The following LNX1 variants were observed in gnomAD, a reference collection of about 807,000 sequenced individuals.
LNX1 encodes the protein E3 ubiquitin-protein ligase LNX.
LNX1 carries 54 observed loss-of-function variants against 68.4 expected under a neutral mutation model. The observed-to-expected ratio is 0.79, with a 90% CI of 0.63 to 0.99. The LOEUF (loss-of-function observed/expected upper bound fraction) is 0.99. Ranked by LOEUF, LNX1 falls within the 50% of genes least tolerant of loss-of-function variation. The pLI, the probability that LNX1 is intolerant of heterozygous loss-of-function variation, is 0.00. For synonymous variants in LNX1, 336 were observed against 350.0 expected, an observed-to-expected ratio of 0.96 and a Z score of 0.45; for missense variants, 906 against 926.4, an observed-to-expected ratio of 0.98 and a Z score of 0.29.
intron 2 of LNX1, among the ~76,000 whole-genome samples, chr4:53,564,123 C>T (rs1730473975): frequency 6.6e-6 from 1 of 152,200 alleles, no homozygotes; most frequent in South Asian, 2.1e-4. Context: ...TGGTTTCTCT[C>T]CTCACTGCTG....
chr4:53,471,524 C>T (rs565344661), intron 9 of LNX1, among the ~76,000 whole-genome samples: 29 of 152,164 alleles, frequency 1.9e-4, no homozygotes, highest in East Asian at 3.9e-4. Flanking sequence ...TTCTGCACAG[C>T]GAAAGAAACT....
At chr4:53,566,875 AC>A (rs1730732404) in intron 2 of LNX1, among the ~76,000 whole-genome samples, 1 of 152,020 alleles carries the variant, frequency 6.6e-6, no homozygotes, top group South Asian at 2.1e-4. Flanking sequence ...CAGACTTTAA[AC>A]CAACAAAGAT....
At chr4:53,568,789 A>C (rs981138481) in intron 2 of LNX1, among the ~76,000 whole-genome samples, 1 of 152,084 alleles carries the variant, frequency 6.6e-6, no homozygotes, top group South Asian at 2.1e-4. Flanking sequence ...AAATCTCCTT[A>C]AGCTGATAAG....
chr4:53,558,213 G>A (rs1730055175), intron 2 of LNX1: 5 of 1,281,946 alleles, frequency 3.9e-6, no homozygotes, highest in Non-Finnish European at 5.0e-6. Flanking sequence ...AGAGAGCTTA[G>A]GCTGAGAGCA....
chr4:53,631,153 GAC>G (rs1242389220), intron 1 of LNX1, among the ~76,000 whole-genome samples: 4 of 152,156 alleles, frequency 2.6e-5, no homozygotes, highest in African/African-American at 9.7e-5. Flanking sequence ...GCTACTTGGA[GAC>G]AGTTTTAGTA....
chr4:53,566,982 C>G (rs1008541713), intron 2 of LNX1, among the ~76,000 whole-genome samples: 4 of 152,030 alleles, frequency 2.6e-5, no homozygotes, highest in Non-Finnish European at 4.4e-5. Context: ...CAGGAGCACC[C>G]AGATTCATAA....
chr4:53,529,704 A>G (rs1384694421), intron 2 of LNX1, among the ~76,000 whole-genome samples: 2 of 152,192 alleles, frequency 1.3e-5, no homozygotes, highest in East Asian at 1.9e-4. Context: ...AGCTACCACC[A>G]TAGTAGGACA....
chr4:53,554,165 C>A (rs1729717963), intron 2 of LNX1, among the ~76,000 whole-genome samples: 1 of 152,242 alleles, frequency 6.6e-6, no homozygotes, highest in African/African-American at 2.4e-5. Flanking sequence ...ATTTGCAGTT[C>A]TGTCCAGCTC....
At chr4:53,632,208 C>T (rs1206778192) in intron 1 of LNX1, among the ~76,000 whole-genome samples, 1 of 152,184 alleles carries the variant, frequency 6.6e-6, no homozygotes, top group African/African-American at 2.4e-5. Context: ...GAACTGACAT[C>T]AGCACTTAGA....
intron 2 of LNX1, among the ~76,000 whole-genome samples, chr4:53,559,501 T>A (rs955620325): frequency 6.6e-6 from 1 of 152,192 alleles, no homozygotes; most frequent in African/African-American, 2.4e-5. Flanking sequence ...GTAGGCATGT[T>A]TGGTTAACCT....
intron 6 of LNX1, among the ~76,000 whole-genome samples, chr4:53,488,670 TTACC>T (rs1329648335): frequency 1.3e-5 from 2 of 152,180 alleles, no homozygotes; most frequent in African/African-American, 4.8e-5. Context: ...ATTCCTGTCT[TTACC>T]TATGGATTAA....
intron 6 of LNX1, among the ~76,000 whole-genome samples, chr4:53,487,117 A>T (rs1427467564): frequency 6.6e-6 from 1 of 151,538 alleles, no homozygotes; most frequent in Non-Finnish European, 1.5e-5. Context: ...CGTAACATAG[A>T]TTTGCAACTT....
intron 2 of LNX1, among the ~76,000 whole-genome samples, chr4:53,546,224 C>G (rs1247961087): frequency 1.3e-5 from 2 of 152,180 alleles, no homozygotes; most frequent in Admixed American, 1.3e-4. Context: ...AGATAAAAAT[C>G]CCTGGAAGAG....
At position 53,576,278 on chromosome 4, in the gene LNX1, G is replaced by A. The variant is rs1242369637; in HGVS notation, c.-86-2190C>T. ...AAGCTTTCAGATGGGTTAGCATACC[G>A]CTTCGAGGTCCCCATAGCCAAGTTC... On this transcript the variant is annotated intron_variant, in intron 1 of 10. Transcript: ENST00000263925. The A allele has an allele frequency of 6.6e-5, 106 of 1,612,096 alleles. 1 individual carries two copies. The highest frequency in any genetic ancestry group is 5.4e-4 in the South Asian group (49 of 90,490).
rs1279155782 is a variant in LNX1, at chr4:53,498,632, A to G, written c.978+9T>C. The G allele has an allele frequency of 6.2e-7, 1 of 1,610,854 alleles. No individual in the cohort carries two copies. The highest frequency in any genetic ancestry group is 1.7e-5 in the Admixed American group (1 of 60,022). ...CCCCTTGCTGCAGCCCCACAGCCACAGTCTCTACCTTTAGAATGATGTCTC... is the reference window on the plus strand; with the variant it reads ...CCCCTTGCTGCAGCCCCACAGCCACGGTCTCTACCTTTAGAATGATGTCTC... On this transcript the variant is annotated intron_variant, in intron 5 of 10. Transcript: ENST00000263925.
At chr4:53,555,924 G>T (rs1280844281) in intron 2 of LNX1, among the ~76,000 whole-genome samples, 1 of 152,072 alleles carries the variant, frequency 6.6e-6, no homozygotes, top group Non-Finnish European at 1.5e-5. Flanking sequence ...CCTTCAATTA[G>T]GCTATAAAAC....
intron 2 of LNX1, chr4:53,557,984 C>T (rs1730038203): frequency 4.3e-6 from 7 of 1,613,404 alleles, no homozygotes; most frequent in Non-Finnish European, 5.9e-6. Context: ...CAGTGTGCTG[C>T]CTTCTCCCTG....
At chr4:53,608,754 T>C (rs1733331702) in intron 2 of LNX1, among the ~76,000 whole-genome samples, 1 of 152,120 alleles carries the variant, frequency 6.6e-6, no homozygotes, top group Non-Finnish European at 1.5e-5. Flanking sequence ...ATGTGGTGCA[T>C]ATTCACCACA....
At chr4:53,570,944 A>G (rs1282211615) in intron 2 of LNX1, among the ~76,000 whole-genome samples, 3 of 151,720 alleles carry the variant, frequency 2.0e-5, no homozygotes, top group African/African-American at 7.3e-5. Flanking sequence ...GGAGAAAGGC[A>G]TGAACCCGGG....
Sources: allele counts gnomAD v4.1 joint callset (sites outside exome capture counted in the v4.1 genomes callset), GRCh38; gene constraint gnomAD v4.1.1; transcripts MANE v1.5; gene names NCBI Gene and HGNC (gene_info 2026-07-23, HGNC 2026-07-21).